ITFG1: variants seen among roughly 807,000 people sequenced by gnomAD.
The protein encoded by ITFG1 is T-cell immunomodulatory protein.
In ITFG1, 34 loss-of-function variants were observed where a neutral mutation model predicts 81.8. That is an observed-to-expected ratio of 0.42 (90% CI 0.32 to 0.55). The LOEUF (loss-of-function observed/expected upper bound fraction) is 0.55. ITFG1 is among the 20% of genes least tolerant of loss of function. The pLI is 0.17. For synonymous variants in ITFG1, 285 were observed against 270.6 expected (o/e 1.05, Z -0.52); for missense variants, 672 against 755.4 (o/e 0.89, Z 1.29).
At chr16:47,255,016 G>C (rs892792255) in intron 12 of ITFG1, among the ~76,000 whole-genome samples, 4 of 152,166 alleles carry the variant, frequency 2.6e-5, no homozygotes, top group Non-Finnish European at 1.5e-5. Context: ...CAACCTGGGA[G>C]GCGGAGGGTG....
intron 6 of ITFG1, among the ~76,000 whole-genome samples, chr16:47,420,408 A>C (rs574048141): frequency 4.6e-5 from 7 of 152,178 alleles, no homozygotes; most frequent in Non-Finnish European, 7.3e-5. Flanking sequence ...TGTCTAGATG[A>C]TCTGTGCAAC....
intron 8 of ITFG1, among the ~76,000 whole-genome samples, chr16:47,352,401 T>C (rs374007190): frequency 2.0e-5 from 3 of 152,066 alleles, no homozygotes; most frequent in East Asian, 3.9e-4. Flanking sequence ...GGGCGAAGGA[T>C]ATGAACAGAC....
intron 6 of ITFG1, among the ~76,000 whole-genome samples, chr16:47,380,655 G>C (rs1329267750): frequency 6.6e-6 from 1 of 152,088 alleles, no homozygotes; most frequent in East Asian, 1.9e-4. Flanking sequence ...GTTGTGGCTT[G>C]GAATAAAGAT....
chr16:47,335,141 G>C (rs184301911), intron 8 of ITFG1, among the ~76,000 whole-genome samples: 11 of 152,260 alleles, frequency 7.2e-5, no homozygotes, highest in African/African-American at 2.4e-4. Context: ...TGGATCACCT[G>C]AGGTCAGGAG....
chr16:47,260,157 T>C (rs1966191893), intron 11 of ITFG1, among the ~76,000 whole-genome samples: 1 of 152,082 alleles, frequency 6.6e-6, no homozygotes, highest in South Asian at 2.1e-4. Flanking sequence ...CAGGATGGTA[T>C]TGATCTCCTG....
chr16:47,339,693 T>A (rs1466406187), intron 8 of ITFG1, among the ~76,000 whole-genome samples: 1 of 151,348 alleles, frequency 6.6e-6, no homozygotes, highest in African/African-American at 2.4e-5. Flanking sequence ...GAAAAAACGA[T>A]GAAGAAAAAT....
intron 13 of ITFG1, among the ~76,000 whole-genome samples, chr16:47,227,670 G>T (rs1007515356): frequency 1.3e-5 from 2 of 152,218 alleles, no homozygotes; most frequent in Non-Finnish European, 2.9e-5. Context: ...ATTACCTAGG[G>T]TTTGTTTCAA....
At chr16:47,192,398 T>G (rs921155378) in intron 14 of ITFG1, among the ~76,000 whole-genome samples, 1 of 152,186 alleles carries the variant, frequency 6.6e-6, no homozygotes, top group African/African-American at 2.4e-5. Context: ...CCCTAGAGAC[T>G]CCTTATTATT....
At chr16:47,449,640 A>C (rs1299003775) in intron 5 of ITFG1, 3 of 152,212 alleles carry the variant, frequency 2.0e-5, no homozygotes, top group African/African-American at 7.2e-5. Flanking sequence ...CAAATGACAG[A>C]TATCCTAAAA....
intron 14 of ITFG1, 139 bp downstream of exon 14, chr16:47,218,729 G>A: frequency 2.3e-6 from 1 of 425,540 alleles, no homozygotes; most frequent in Non-Finnish European, 4.1e-6. Context: ...ACCAATGTAA[G>A]TCTATGGAAA....
intron 8 of ITFG1, among the ~76,000 whole-genome samples, chr16:47,355,673 AT>A (rs1372450928): frequency 6.6e-6 from 1 of 152,198 alleles, no homozygotes; most frequent in Non-Finnish European, 1.5e-5. Flanking sequence ...TTAACTAAAA[AT>A]TTACAAAAAC....
intron 14 of ITFG1, among the ~76,000 whole-genome samples, chr16:47,169,372 C>T (rs1342598099): frequency 2.6e-5 from 4 of 152,070 alleles, no homozygotes. Flanking sequence ...TTTCTCTCAG[C>T]AATGTTTTTT....
intron 8 of ITFG1, among the ~76,000 whole-genome samples, chr16:47,338,919 G>T (rs1967745432): frequency 6.6e-6 from 1 of 152,094 alleles, no homozygotes; most frequent in South Asian, 2.1e-4. Context: ...CTTTCTATTT[G>T]TTTTTGTACA....
chr16:47,290,590 A>T (rs1185166214), intron 10 of ITFG1, among the ~76,000 whole-genome samples: 1 of 152,126 alleles, frequency 6.6e-6, no homozygotes, highest in Non-Finnish European at 1.5e-5. Context: ...TAGAGTTTTT[A>T]AAAAGTCTGT....
intron 14 of ITFG1, among the ~76,000 whole-genome samples, chr16:47,183,964 C>A (rs1184985117): frequency 6.6e-6 from 1 of 152,044 alleles, no homozygotes; most frequent in African/African-American, 2.4e-5. Context: ...AGCTGAAAAC[C>A]AAGGCTCGAG....
At chr16:47,181,534 C>T (rs1296074072) in intron 14 of ITFG1, among the ~76,000 whole-genome samples, 3 of 139,628 alleles carry the variant, frequency 2.1e-5, no homozygotes, top group Non-Finnish European at 4.7e-5. Flanking sequence ...GGCCAGCCTC[C>T]CCGTCTGGCA....
chr16:47,237,893 A>G, intron 13 of ITFG1, 72 bp downstream of exon 13: 1 of 695,554 alleles, frequency 1.4e-6, no homozygotes, highest in South Asian at 1.7e-5. Context: ...ATCTATAACA[A>G]CTATTTTGTG....
chr16:47,192,408 T>G (rs1241696417), intron 14 of ITFG1, among the ~76,000 whole-genome samples: 1 of 152,176 alleles, frequency 6.6e-6, no homozygotes, highest in Non-Finnish European at 1.5e-5. Context: ...TCCTTATTAT[T>G]TATTGTTATT....
At chr16:47,280,910 C>T (rs1161251787) in intron 10 of ITFG1, among the ~76,000 whole-genome samples, 2 of 152,092 alleles carry the variant, frequency 1.3e-5, no homozygotes, top group Non-Finnish European at 2.9e-5. Context: ...ACTCTAACTC[C>T]ATGGGGACAA....
Sources: allele counts gnomAD v4.1 joint callset (sites outside exome capture counted in the v4.1 genomes callset), GRCh38; gene constraint gnomAD v4.1.1; transcripts MANE v1.5; gene names NCBI Gene and HGNC (gene_info 2026-07-23, HGNC 2026-07-21).